Variants in TNS1 observed in about 807,000 individuals in gnomAD.
TNS1 encodes the protein tensin-1.
TNS1 carries 62 observed loss-of-function variants against 168.6 expected under a neutral mutation model. That is an observed-to-expected ratio of 0.37 (90% CI 0.30 to 0.45). The LOEUF is 0.45. Among genes scored for constraint, TNS1 ranks in the 20% least tolerant of loss-of-function variants. The pLI is 1.00. For missense variants in TNS1, 2,240 were observed against 2,339.4 expected (o/e 0.96, Z 0.88); for synonymous variants, 934 against 933.2 (o/e 1.00, Z -0.02).
Position 217,818,472 on chromosome 2 carries a change from C to A in TNS1, c.3860G>T (p.Arg1287Ile), listed in dbSNP as rs761995104. 3.1e-6 allele frequency: 5 copies of A among 1,614,232 alleles called. No homozygotes were observed. The highest frequency in any genetic ancestry group is 1.6e-4 in the Middle Eastern group (1 of 6,062). ...AGGGGGAGTGTTGGTGCCCACTGTTCTGTGGCGCGCCTGAGGGCTCCCAGG... is the reference window on the plus strand; with the variant it reads ...AGGGGGAGTGTTGGTGCCCACTGTTATGTGGCGCGCCTGAGGGCTCCCAGG... ...TVPGSPQARH[R>I]TVGTNTPPSP... Residue 1287 changes from arginine (R) to isoleucine (I), a missense_variant, in exon 24 of 33, where the codon AGA becomes ATA. Coordinates refer to ENST00000682258, the MANE Select transcript of TNS1 (RefSeq NM_001387777.1).
At chr2:217,830,185 G>A (rs1403659820) in intron 22 of TNS1, among the ~76,000 whole-genome samples, 1 of 152,146 alleles carries the variant, frequency 6.6e-6, no homozygotes, top group Non-Finnish European at 1.5e-5. Context: ...CAGCCCCTGT[G>A]CCCAGGGCTC....
chr2:218,010,120 G>T, exon 1 of TNS1: 1 of 399,232 alleles, frequency 2.5e-6, no homozygotes, highest in Non-Finnish European at 4.4e-6. Flanking sequence ...AGGCAGAAGC[G>T]CAGGGGCAGG....
At chr2:217,806,198 G>C (rs550679438) in intron 32 of TNS1, among the ~76,000 whole-genome samples, 1 of 152,358 alleles carries the variant, frequency 6.6e-6, no homozygotes, top group South Asian at 2.1e-4. Flanking sequence ...ATTTCTTTCA[G>C]CTGTGGCTTC....
intron 3 of TNS1, among the ~76,000 whole-genome samples, chr2:217,935,236 A>T (rs977321012): frequency 2.0e-5 from 3 of 152,232 alleles, no homozygotes; most frequent in Admixed American, 6.5e-5. Flanking sequence ...TCACTTTCCA[A>T]CAGTGAAGGG....
intron 9 of TNS1, 77 bp downstream of exon 9, chr2:217,894,929 T>C (rs1357691514): frequency 1.4e-6 from 2 of 1,392,448 alleles, no homozygotes; most frequent in African/African-American, 1.4e-5. Flanking sequence ...TCCCCAAGAT[T>C]ATTATGTGGG....
At chr2:217,905,239 G>A (rs1357537522) in intron 6 of TNS1, 3 of 280,476 alleles carry the variant, frequency 1.1e-5, no homozygotes, top group East Asian at 1.1e-4. Flanking sequence ...ATCACAAAGC[G>A]GGACAAGGGC....
chr2:217,977,013 A>G (rs1339927261), intron 3 of TNS1, among the ~76,000 whole-genome samples: 1 of 152,272 alleles, frequency 6.6e-6, no homozygotes, highest in Non-Finnish European at 1.5e-5. Flanking sequence ...TCTGTAAAAC[A>G]ACAGAATCTT....
chr2:217,911,552 C>T (rs1954411055), intron 4 of TNS1, among the ~76,000 whole-genome samples: 1 of 152,210 alleles, frequency 6.6e-6, no homozygotes, highest in Non-Finnish European at 1.5e-5. Flanking sequence ...AGAATTACAA[C>T]TATTCATTTA....
chr2:218,007,576 GGT>G (rs1958670721), upstream of TNS1, among the ~76,000 whole-genome samples: 2 of 134,956 alleles, frequency 1.5e-5, no homozygotes, highest in Non-Finnish European at 1.6e-5. Context: ...TGGGGGGGGG[GGT>G]TCAGCCAGGT....
rs756240349 is a variant in TNS1, at chr2:217,848,084, T to C, written c.2433A>G (p.Ala811=). The C allele has an allele frequency of 5.8e-6, 9 of 1,551,276 alleles. No individual in the cohort carries two copies. The South Asian group carries it at 8.7e-5, about 15-fold the overall frequency. ...VASRPSPQPL[A]ETPIPSLPEF... ...CAGGGAGACTGGGGATGGGGGTCTCTGCCAATGGCTGAGGGCTGGGCCTGC... is the reference window on the plus strand; with the variant it reads ...CAGGGAGACTGGGGATGGGGGTCTCCGCCAATGGCTGAGGGCTGGGCCTGC... Residue 811 remains alanine (A), a synonymous_variant, in exon 19 of 33, where the codon GCA becomes GCG. Coordinates refer to ENST00000682258, the MANE Select transcript of TNS1 (RefSeq NM_001387777.1).
chr2:217,975,018 TA>T (rs1957860856), intron 3 of TNS1, among the ~76,000 whole-genome samples: 1 of 152,218 alleles, frequency 6.6e-6, no homozygotes, highest in Non-Finnish European at 1.5e-5. Context: ...GGATAGTGTA[TA>T]AAAGACATTG....
intron 27 of TNS1, among the ~76,000 whole-genome samples, chr2:217,812,799 C>CAG (rs1359395376): frequency 6.6e-6 from 1 of 152,182 alleles, no homozygotes; most frequent in Non-Finnish European, 1.5e-5. Flanking sequence ...CCTGTTGGTT[C>CAG]TCAGGTAAAT....
intron 10 of TNS1, among the ~76,000 whole-genome samples, 160 bp from the exon 11 acceptor site, chr2:217,893,172 G>C (rs1195845355): frequency 1.3e-5 from 2 of 152,190 alleles, no homozygotes; most frequent in Non-Finnish European, 2.9e-5. Flanking sequence ...GAGGGAGGCA[G>C]GTGGGGACTA....
At chr2:218,021,180 C>T (rs1365781642) in intron 1 of TNS1, among the ~76,000 whole-genome samples, 2 of 152,054 alleles carry the variant, frequency 1.3e-5, no homozygotes, top group Non-Finnish European at 2.9e-5. Context: ...TCTGCACAGC[C>T]CTTGGGGCTC....
At chr2:217,887,409 A>G (rs1951315007) in intron 12 of TNS1, among the ~76,000 whole-genome samples, 1 of 152,166 alleles carries the variant, frequency 6.6e-6, no homozygotes, top group African/African-American at 2.4e-5. Context: ...CCCGGGTTCA[A>G]GTGATTCTCC....
chr2:217,951,987 T>A (rs561882221), intron 3 of TNS1, among the ~76,000 whole-genome samples: 1 of 152,214 alleles, frequency 6.6e-6, no homozygotes, highest in African/African-American at 2.4e-5. Flanking sequence ...GCCCAGGCCC[T>A]GTGAGGCCCT....
Position 217,813,135 on chromosome 2 carries a change from G to A in TNS1, c.4954+80C>T. 5 of 995,124 alleles carry A rather than the reference G, an allele frequency of 5.0e-6. No homozygotes were observed. The highest frequency in any genetic ancestry group is 7.7e-6 in the Non-Finnish European group (5 of 646,898). The allele number at this position is 995,124 out of a possible 1,614,324, so 61.6% of individuals were successfully genotyped here. On this transcript the variant is annotated intron_variant, in intron 27 of 32. Coordinates refer to ENST00000682258, the MANE Select transcript of TNS1 (RefSeq NM_001387777.1). This position sits in a 1 kb window ranked among gnomAD's most constrained non-coding sequence, Gnocchi z 4.0. ...GGCAGAGCCTGTCAGAAAGAACTTG[G>A]GGTCAGACCCCTGGAGGAACCCAGG...
chr2:217,848,168 C>T lies in TNS1; in HGVS notation c.2349G>A (p.Gln783=). Residue 783 remains glutamine, a synonymous_variant, in exon 19 of 33, where the codon CAG becomes CAA. Transcript: ENST00000682258. Reference sequence around the variant, plus strand: ...GCTGGCGTGGAGGTGGGCGAGGCTGCTGCTGCTGCTGCTGCTGCTGCTGCC... The same window carrying T: ...GCTGGCGTGGAGGTGGGCGAGGCTGTTGCTGCTGCTGCTGCTGCTGCTGCC... ...NSWQQQQQQQ[Q]QPRPPPRQQE... 1.3e-6 allele frequency: 2 copies of T among 1,588,432 alleles called. No homozygotes were observed. The highest frequency in any genetic ancestry group is 1.7e-6 in the Non-Finnish European group (2 of 1,165,174).
At chr2:217,879,076 G>A (rs568638875) in intron 18 of TNS1, among the ~76,000 whole-genome samples, 5 of 152,244 alleles carry the variant, frequency 3.3e-5, no homozygotes, top group Admixed American at 2.6e-4. Context: ...AGCCGCTCTC[G>A]GCTCTGCTGT....
Sources: allele counts gnomAD v4.1 joint callset (sites outside exome capture counted in the v4.1 genomes callset), GRCh38; gene constraint gnomAD v4.1.1; non-coding constraint Gnocchi (gnomAD v3.1); transcripts MANE v1.5; gene names NCBI Gene and HGNC (gene_info 2026-07-23, HGNC 2026-07-21).